The following ANAPC5 variants were observed in gnomAD, a reference collection of about 807,000 sequenced individuals.
ANAPC5 encodes the protein anaphase promoting complex subunit 5.
ANAPC5 carries 60 observed loss-of-function variants against 91.3 expected under a neutral mutation model. The observed-to-expected ratio is 0.66, with a 90% CI of 0.53 to 0.81. ANAPC5 has a LOEUF of 0.81. Ranked by LOEUF, ANAPC5 falls within the 40% of genes least tolerant of loss-of-function variation. The pLI, the probability that ANAPC5 is intolerant of heterozygous loss-of-function variation, is 0.00. For missense variants in ANAPC5, 690 were observed against 931.5 expected (o/e 0.74, Z 3.37); for synonymous variants, 340 against 364.1 (o/e 0.93, Z 0.75).
At chr12:121,311,354 T>C (rs972626163) in intron 15 of ANAPC5, among the ~76,000 whole-genome samples, 4 of 152,242 alleles carry the variant, frequency 2.6e-5, no homozygotes, top group African/African-American at 9.6e-5. Flanking sequence ...GGAGTGCCTA[T>C]ATGAGTATCA....
At chr12:121,351,665 G>C (rs1321383287) in intron 1 of ANAPC5, among the ~76,000 whole-genome samples, 1 of 151,924 alleles carries the variant, frequency 6.6e-6, no homozygotes, top group Non-Finnish European at 1.5e-5. Context: ...CACTACGTTG[G>C]TCAGGCTGGT....
At chr12:121,332,750 G>T (rs1230257428) in intron 7 of ANAPC5, 1 of 152,144 alleles carries the variant, frequency 6.6e-6, no homozygotes, top group African/African-American at 2.4e-5. Flanking sequence ...CTGGGCCTGA[G>T]TAAATCAGGA....
intron 7 of ANAPC5, chr12:121,331,692 T>C: frequency 3.9e-6 from 1 of 256,268 alleles, no homozygotes; most frequent in East Asian, 6.9e-5. Context: ...GCTTCTAAGA[T>C]GTTTATTTTA....
rs1037851058 is a variant in ANAPC5, at chr12:121,352,120, C to A, written c.207+14G>T. The A allele has an allele frequency of 6.3e-6, 10 of 1,593,094 alleles. No homozygotes were observed. The highest frequency in any genetic ancestry group is 8.6e-6 in the Non-Finnish European group (10 of 1,166,726). ...AGTTTGCTGCACGAGCAGGAGCCAG[C>A]GGGCGCCTCTCACCTGCAGCAGGGG... On this transcript the variant is annotated intron_variant, in intron 1 of 16. Coordinates refer to ENST00000261819, the MANE Select transcript of ANAPC5 (RefSeq NM_016237.5).
intron 13 of ANAPC5, 116 bp from the exon 14 acceptor site, chr12:121,318,724 A>C: frequency 1.0e-6 from 1 of 977,328 alleles, no homozygotes; most frequent in Non-Finnish European, 1.5e-6. Context: ...GCCTGATTTA[A>C]TTTTTGTTGA....
chr12:121,325,723 T>C (rs1902788666), intron 11 of ANAPC5, among the ~76,000 whole-genome samples: 1 of 151,792 alleles, frequency 6.6e-6, no homozygotes, highest in South Asian at 2.1e-4. Flanking sequence ...AAAAATTAGC[T>C]GGGCATGGTG....
chr12:121,339,042 T>C (rs569001878), intron 5 of ANAPC5, among the ~76,000 whole-genome samples: 13 of 151,142 alleles, frequency 8.6e-5, no homozygotes, highest in Admixed American at 6.6e-4. Flanking sequence ...TCATCAAATA[T>C]GACTTTTTTT....
chr12:121,346,095 C>A, intron 3 of ANAPC5, 64 bp from the exon 4 acceptor site: 2 of 1,319,882 alleles, frequency 1.5e-6, no homozygotes, highest in Non-Finnish European at 2.1e-6. Context: ...GCAATGGCAA[C>A]TCCACAATGG....
Position 121,320,446 on chromosome 12 carries a change from G to T in ANAPC5, c.1454C>A (p.Ala485Glu). 1.2e-6 allele frequency: 2 copies of T among 1,613,706 alleles called. No homozygotes were observed. The highest frequency in any genetic ancestry group is 1.1e-5 in the South Asian group (1 of 91,062). Reference sequence around the variant, plus strand: ...CAAGTGCTTTAACACTTCAGAAGCTGCAGCAAAACAGCCCTAAAGTAGAAA... The same window carrying T: ...CAAGTGCTTTAACACTTCAGAAGCTTCAGCAAAACAGCCCTAAAGTAGAAA... Reference protein sequence around the residue: ...ELHAEQGCFAAASEVLKHLKE... With the variant: ...ELHAEQGCFAEASEVLKHLKE... Residue 485 changes from alanine (A) to glutamate (E), a missense_variant, in exon 12 of 17, where the codon GCA becomes GAA. Coordinates refer to ENST00000261819, the MANE Select transcript of ANAPC5 (RefSeq NM_016237.5).
At chr12:121,320,902 CAG>C (rs201536561) in intron 11 of ANAPC5, 7,267 of 152,052 alleles carry the variant, frequency 0.048, 394 homozygotes, top group East Asian at 0.14. Context: ...CATGCCTGGC[CAG>C]AGACTCAAAT....
At chr12:121,330,518 G>A in intron 9 of ANAPC5, 65 bp downstream of exon 9, 1 of 1,327,514 alleles carries the variant, frequency 7.5e-7, no homozygotes, top group South Asian at 1.2e-5. Flanking sequence ...TGACAGAGGT[G>A]GGCAGAAAAA....
chr12:121,312,735 C>G (rs1902217059), intron 15 of ANAPC5, among the ~76,000 whole-genome samples: 1 of 148,980 alleles, frequency 6.7e-6, no homozygotes, highest in Non-Finnish European at 1.5e-5. Flanking sequence ...AAAAAATTAC[C>G]CTAGTGTGGT....
At chr12:121,351,290 C>T (rs1359396619) in intron 1 of ANAPC5, 2 of 315,606 alleles carry the variant, frequency 6.3e-6, no homozygotes, top group Admixed American at 9.1e-5. Context: ...GGAGGATCAC[C>T]TGAGCCTGAG....
At chr12:121,322,345 G>T (rs999074290) in intron 11 of ANAPC5, among the ~76,000 whole-genome samples, 1 of 151,992 alleles carries the variant, frequency 6.6e-6, no homozygotes, top group Non-Finnish European at 1.5e-5. Flanking sequence ...TTTTAGTAGA[G>T]ACAGGGTTTC....
At chr12:121,352,073 C>A in intron 1 of ANAPC5, 61 bp downstream of exon 1, 1 of 1,480,108 alleles carries the variant, frequency 6.8e-7, no homozygotes, top group East Asian at 2.3e-5. Flanking sequence ...CAGGGTTCCG[C>A]ACAGAGCAGA....
In ANAPC5 at chr12:121,335,575, G is replaced by A. The variant is rs1903200338; in HGVS notation, c.908C>T (p.Ala303Val). The A allele has an allele frequency of 6.2e-7, 1 of 1,613,560 alleles. No individual in the cohort carries two copies. Among genetic ancestry groups the A allele is most frequent in the Admixed American group, 1.7e-5 (1 of 59,976 alleles). The change falls in exon 7 of 17, where the codon GCC (alanine) becomes GTC (valine). Residue 303 changes from alanine (A) to valine (V), a missense_variant. Transcript: ENST00000261819. ...EEGYGRSLRY[A>V]ALNLAALHCR... ...GTGCAGGGCGGCAAGATTCAGAGCG[G>A]CGTATCTCAAGCTCCGGCCATAGCC...
chr12:121,347,327 G>A (rs1903707240), intron 2 of ANAPC5: 2 of 305,554 alleles, frequency 6.5e-6, no homozygotes, highest in Non-Finnish European at 6.0e-6. Flanking sequence ...AAAACAGTAT[G>A]CTTAATGTTA....
Position 121,318,387 on chromosome 12 carries a change from A to C in ANAPC5, c.1783T>G (p.Ser595Ala). 6.2e-7 allele frequency: 1 copy of C among 1,612,118 alleles called. No individual in the cohort carries two copies. The highest frequency in any genetic ancestry group is 8.5e-7 in the Non-Finnish European group (1 of 1,179,082). ...LSVAELYWRS[S>A]SPTIALPMLL... is the part of the protein sequence containing the mutation. ...ATGGGCAGCGCGATGGTAGGGGAGG[A>C]AGATCGCCAGTACAGCTCTGCCACG... Residue 595 changes from serine to alanine, a missense_variant, in exon 15 of 17, where the codon TCC becomes GCC. By Grantham distance (99) the Ser-to-Ala change is moderately conservative. Transcript: ENST00000261819.
intron 5 of ANAPC5, among the ~76,000 whole-genome samples, chr12:121,339,043 G>A: frequency 6.7e-6 from 1 of 148,480 alleles, no homozygotes; most frequent in African/African-American, 2.5e-5. Flanking sequence ...CATCAAATAT[G>A]ACTTTTTTTT....
Sources: gnomAD v4.1 joint callset for allele counts (sites outside exome capture counted in the v4.1 genomes callset) on GRCh38, gnomAD v4.1.1 for gene constraint, MANE v1.5 for transcripts, NCBI Gene and HGNC (gene_info 2026-07-23, HGNC 2026-07-21) for gene names.